The following DCHS2 variants were observed in gnomAD, a reference collection of about 807,000 sequenced individuals.
DCHS2 encodes dachsous cadherin-related 2.
A neutral mutation model predicts 182.4 loss-of-function variants in DCHS2; 142 were observed. The ratio of observed to expected loss-of-function variants is 0.78; its 90% confidence interval spans 0.68 to 0.89. The LOEUF (loss-of-function observed/expected upper bound fraction) is 0.89, where lower values mean the gene tolerates loss of function less well. Among genes scored for constraint, DCHS2 ranks in the 40% least tolerant of loss-of-function variants. DCHS2 has a pLI of 0.00. For synonymous variants in DCHS2, 1,740 were observed against 1,663.3 expected (o/e 1.05, Z -1.12); for missense variants, 4,319 against 4,198.6 (o/e 1.03, Z -0.79).
intron 1 of DCHS2, among the ~76,000 whole-genome samples, chr4:154,488,690 G>A (rs1728672185): frequency 6.6e-6 from 1 of 152,018 alleles, no homozygotes; most frequent in South Asian, 2.1e-4. Context: ...ATCACCTGAG[G>A]TCAGGAGTTC....
chr4:154,305,090 C>A lies in DCHS2; in HGVS notation c.5395+7G>T, dbSNP rs200447457. ...TTATTTTTTAGCCTACTCAAAGAAT[C>A]CCTTACCTCGAAGGGTGAAGACTTC... On this transcript the variant is annotated splice_region_variant and intron_variant, in intron 11 of 19. Coordinates refer to ENST00000357232, the MANE Select transcript of DCHS2 (RefSeq NM_001358235.2). The A allele has an allele frequency of 6.3e-7, 1 of 1,599,514 alleles. No individual in the cohort carries two copies. The highest frequency in any genetic ancestry group is 2.3e-5 in the East Asian group (1 of 44,412).
Position 154,259,706 on chromosome 4 carries a change from C to A in DCHS2, c.6628G>T (p.Glu2210Ter), listed in dbSNP as rs1247662134. The A allele has an allele frequency of 1.2e-6, 2 of 1,614,050 alleles. No individual in the cohort carries two copies. Among genetic ancestry groups the A allele is most frequent in the Non-Finnish European group, 1.7e-6 (2 of 1,179,986 alleles). Residue 2210 changes from glutamate to a stop codon, truncating the protein, a stop_gained, in exon 15 of 20, where the codon GAG becomes TAG. Coordinates refer to ENST00000357232, the MANE Select transcript of DCHS2 (RefSeq NM_001358235.2). LOFTEE classifies it high-confidence loss of function. ...PKFLDFEVRN[E>*]VQLIVLAESS... is the part of the protein sequence containing the mutation. ...TCAGCTAAAACGATGAGTTGAACCT[C>A]ATTTCTGACTTCAAAATCAAGAAAC...
intron 16 of DCHS2, 111 bp downstream of exon 16, chr4:154,255,408 A>T: frequency 7.2e-7 from 1 of 1,389,624 alleles, no homozygotes; most frequent in Non-Finnish European, 9.5e-7. Flanking sequence ...GATCAAAGGG[A>T]TAACACATTT....
At chr4:154,258,686 T>A (rs193163662) in intron 15 of DCHS2, among the ~76,000 whole-genome samples, 43 of 152,200 alleles carry the variant, frequency 2.8e-4, no homozygotes, top group South Asian at 1.0e-3. Flanking sequence ...TTTTATATAA[T>A]GAGGTGAAGG....
chr4:154,324,513 T>C (rs927278448), intron 7 of DCHS2, among the ~76,000 whole-genome samples: 19 of 152,296 alleles, frequency 1.2e-4, no homozygotes, highest in African/African-American at 3.8e-4. Context: ...AGAATACACA[T>C]GCACACATCT....
In DCHS2 at chr4:154,321,055, C is replaced by T. The variant is rs1350888479; in HGVS notation, c.4344G>A (p.Lys1448=). Residue 1448 remains lysine (K), a synonymous_variant, in exon 9 of 20, where the codon AAG becomes AAA. Coordinates refer to ENST00000357232, the MANE Select transcript of DCHS2 (RefSeq NM_001358235.2). The stretch of plus-strand genomic sequence containing the variant: ...AGCTGTCTATTTCAAAGTGTCCATC[C>T]TTATCATCTGCAACAATACTAAAAT... ...KLHFSIVADD[K]DGHFEIDSST... The T allele has an allele frequency of 4.3e-6, 7 of 1,611,746 alleles. No individual in the cohort carries two copies. The highest frequency in any genetic ancestry group is 5.1e-6 in the Non-Finnish European group (6 of 1,178,224).
At chr4:154,433,395 C>CTTTTTTTTTT (rs61553613) in intron 1 of DCHS2, among the ~76,000 whole-genome samples, 14 of 103,864 alleles carry the variant, frequency 1.3e-4, no homozygotes, top group Non-Finnish European at 2.2e-4. Flanking sequence ...TTTTTTTTTC[C>CTTTTTTTTTT]TTTTTTTTTT....
At chr4:154,272,444 C>T (rs1303119663) in intron 13 of DCHS2, among the ~76,000 whole-genome samples, 1 of 152,128 alleles carries the variant, frequency 6.6e-6, no homozygotes, top group Non-Finnish European at 1.5e-5. Flanking sequence ...TTGTAATCCT[C>T]ATAATCTTCA....
intron 16 of DCHS2, among the ~76,000 whole-genome samples, chr4:154,254,353 ATAAGCATGGTAG>A (rs937598612): frequency 1.6e-4 from 24 of 152,210 alleles, no homozygotes; most frequent in African/African-American, 4.8e-4. Context: ...GGCATGCTGG[ATAAGCATGGTAG>A]TGGGTCTCGT....
intron 13 of DCHS2, among the ~76,000 whole-genome samples, chr4:154,282,411 G>C (rs1188910791): frequency 6.6e-6 from 1 of 151,666 alleles, no homozygotes. Context: ...TATCCAAACG[G>C]TCAATATCAT....
In DCHS2 at chr4:154,235,447, G is replaced by T; in HGVS notation, c.9205C>A (p.Pro3069Thr). Residue 3069 changes from proline to threonine, a missense_variant, in exon 20 of 20, where the codon CCG becomes ACG. Transcript: ENST00000357232. ...ATACTTATTAAACTCAACCATTCCG[G>T]AGTGGCATCCACAGGGACCACCTCG... ...SNEVVPVDAT[P>T]EWLSLISIME... is the part of the protein sequence containing the mutation. 1 of 1,614,022 alleles carries T rather than the reference G, an allele frequency of 6.2e-7. No homozygotes were observed. Among genetic ancestry groups the T allele is most frequent in the East Asian group, 2.2e-5 (1 of 44,878 alleles).
At chr4:154,309,765 G>T (rs1323725198) in intron 10 of DCHS2, among the ~76,000 whole-genome samples, 1 of 152,192 alleles carries the variant, frequency 6.6e-6, no homozygotes, top group African/African-American at 2.4e-5. Context: ...TACTTGGAGT[G>T]CTGTCACGAT....
intron 16 of DCHS2, among the ~76,000 whole-genome samples, chr4:154,245,862 A>G (rs1434123733): frequency 1.3e-5 from 2 of 152,166 alleles, no homozygotes; most frequent in Admixed American, 6.6e-5. Context: ...AGAATGTACA[A>G]CACCAAGAGT....
intron 13 of DCHS2, among the ~76,000 whole-genome samples, chr4:154,273,993 C>G (rs955275323): frequency 2.0e-5 from 3 of 152,134 alleles, no homozygotes; most frequent in African/African-American, 7.2e-5. Flanking sequence ...CTAAAAGGAA[C>G]AGGAGCTGAC....
intron 17 of DCHS2, among the ~76,000 whole-genome samples, chr4:154,242,360 T>TA (rs1731867039): frequency 6.6e-6 from 1 of 152,196 alleles, no homozygotes; most frequent in Non-Finnish European, 1.5e-5. Flanking sequence ...TGCTTCTTCA[T>TA]AGAGTAGATA....
intron 16 of DCHS2, among the ~76,000 whole-genome samples, chr4:154,248,483 A>G (rs939074505): frequency 6.7e-6 from 1 of 149,376 alleles, no homozygotes; most frequent in African/African-American, 2.6e-5. Flanking sequence ...GCTGACTTTC[A>G]TCTACACTCT....
chr4:154,410,407 T>C (rs1253352673), intron 1 of DCHS2, among the ~76,000 whole-genome samples: 1 of 125,866 alleles, frequency 7.9e-6, no homozygotes, highest in East Asian at 2.2e-4. Flanking sequence ...AACAGTAGAC[T>C]ACATCAAGAA....
Position 154,232,893 on chromosome 4 carries a change from G to A in DCHS2, c.*1643C>T, listed in dbSNP as rs1232487358. 1 of 152,048 alleles carries A rather than the reference G, an allele frequency of 6.6e-6. No individual in the cohort carries two copies. The highest frequency in any genetic ancestry group is 1.9e-4 in the East Asian group (1 of 5,186). 9.4% of individuals were successfully genotyped at this position (152,048 alleles called of 1,614,324 possible). A position where few individuals can be genotyped will look rare whatever the true frequency, so the allele number is the denominator to read the frequency against. On this transcript the variant is annotated 3_prime_UTR_variant, in exon 20 of 20. Transcript: ENST00000357232. ...AAAACCTTCATGTTTCATACAATTT[G>A]TAATATAGCTTTATACATTTGTTCC... is the stretch of plus-strand genomic sequence containing the variant.
intron 10 of DCHS2, among the ~76,000 whole-genome samples, chr4:154,309,389 AC>A (rs1424026142): frequency 6.6e-6 from 1 of 152,112 alleles, no homozygotes; most frequent in Non-Finnish European, 1.5e-5. Flanking sequence ...CTAGTTACCT[AC>A]TGTCGTCATC....
Sources: allele counts gnomAD v4.1 joint callset (sites outside exome capture counted in the v4.1 genomes callset), GRCh38; gene constraint gnomAD v4.1.1; transcripts MANE v1.5; gene names NCBI Gene and HGNC (gene_info 2026-07-23, HGNC 2026-07-21).